PFKP: variants seen among roughly 807,000 people sequenced by gnomAD.
The protein encoded by PFKP is ATP-dependent 6-phosphofructokinase, platelet type.
A neutral mutation model predicts 94.3 loss-of-function variants in PFKP; 101 were observed. The observed-to-expected ratio is 1.07, with a 90% CI of 0.91 to 1.26. PFKP has a LOEUF of 1.26. Among genes scored for constraint, PFKP ranks in the 50% most tolerant of loss-of-function variants. The pLI, the probability that PFKP is intolerant of heterozygous loss-of-function variation, is 0.00. For synonymous variants in PFKP, 573 were observed against 432.6 expected, an observed-to-expected ratio of 1.32 and a Z score of -4.03; for missense variants, 1,145 against 1,103.3, an observed-to-expected ratio of 1.04 and a Z score of -0.53.
chr10:3,079,657 C>CGGGGGG (rs1456588977), intron 1 of PFKP, among the ~76,000 whole-genome samples: 3 of 7,796 alleles, frequency 3.8e-4, no homozygotes, highest in Non-Finnish European at 9.3e-4. Context: ...CTTCAGAGAG[C>CGGGGGG]GGGGTGGGGG....
rs1836300614 is a variant in PFKP, at chr10:3,112,160, C to T, written c.1090-62C>T. 1.7e-5 allele frequency: 23 copies of T among 1,338,516 alleles called. No individual in the cohort carries two copies. The South Asian group carries it at 2.6e-4, about 15-fold the overall frequency. The allele number at this position is 1,338,516 out of a possible 1,614,324, so 82.9% of individuals were successfully genotyped here. On this transcript the variant is annotated intron_variant, in intron 10 of 21. Transcript: ENST00000381125. Reference sequence around the variant, plus strand: ...GAAGGACCGAGCCAGTCTCTACCTACCCCATCCATGATGCACCAGGTCCTG... The same window carrying T: ...GAAGGACCGAGCCAGTCTCTACCTATCCCATCCATGATGCACCAGGTCCTG...
chr10:3,077,272 T>C (rs1347422546), intron 1 of PFKP, among the ~76,000 whole-genome samples: 1 of 134,168 alleles, frequency 7.5e-6, no homozygotes, highest in African/African-American at 2.8e-5. Context: ...TTTTTTTTTT[T>C]TTTTTTTTGA....
chr10:3,116,825 G>T lies in PFKP; in HGVS notation c.1421G>T (p.Gly474Val). Residue 474 changes from glycine to valine, a missense_variant, in exon 14 of 22, where the codon GGC becomes GTC. By Grantham distance (109) the Gly-to-Val change is moderately radical (BLOSUM62 -3). Transcript: ENST00000381125. Reference sequence around the variant, plus strand: ...GTCGGGGGCTGGACCGGCCAAGGAGGCTCCATTCTTGGGACAAAACGGTAA... The same window carrying T: ...GTCGGGGGCTGGACCGGCCAAGGAGTCTCCATTCTTGGGACAAAACGGTAA... ...TDVGGWTGQGGSILGTKRVLP... is the reference protein window; with the variant it reads ...TDVGGWTGQGVSILGTKRVLP... 3 of 1,613,130 alleles carry T rather than the reference G, an allele frequency of 1.9e-6. No homozygotes were observed. Among genetic ancestry groups the T allele is most frequent in the Non-Finnish European group, 2.5e-6 (3 of 1,179,038 alleles).
At chr10:3,126,822 G>C (rs568165484) in intron 16 of PFKP, among the ~76,000 whole-genome samples, 1 of 152,246 alleles carries the variant, frequency 6.6e-6, no homozygotes, top group South Asian at 2.1e-4. Flanking sequence ...GGGACTCCTC[G>C]GGGAATTTCT....
intron 17 of PFKP, among the ~76,000 whole-genome samples, chr10:3,130,663 G>A (rs1015204225): frequency 1.3e-5 from 2 of 152,096 alleles, no homozygotes; most frequent in East Asian, 1.9e-4. Context: ...AGGTTCAAGC[G>A]ATTCACCTGC....
At chr10:3,093,997 T>TTCA (rs1219452771) in intron 2 of PFKP, among the ~76,000 whole-genome samples, 3 of 152,262 alleles carry the variant, frequency 2.0e-5, no homozygotes, top group African/African-American at 7.2e-5. Context: ...TGCTGAATTC[T>TTCA]TCATGTATGA....
chr10:3,096,152 T>G (rs1460137718), intron 2 of PFKP, among the ~76,000 whole-genome samples: 1 of 152,194 alleles, frequency 6.6e-6, no homozygotes, highest in East Asian at 1.9e-4. Context: ...AAGGAAATTG[T>G]ATGGTTCCCA....
rs190816481 is a variant in PFKP at position 3,105,937 on chromosome 10, C to T, written c.774+436C>T. On this transcript the variant is annotated intron_variant, in intron 7 of 21. Coordinates refer to ENST00000381125, the MANE Select transcript of PFKP (RefSeq NM_002627.5). ...TCCTTTCATGACCTCTTTAGGCTCA[C>T]GTGACTGCCGTGAGCATAGGAAGGA... Among the ~76,000 whole-genome samples the T allele has an allele frequency of 4.3e-3, 656 of 152,324 alleles. 2 individuals carry two copies. Among genetic ancestry groups the T allele is most frequent in the Admixed American group, 9.9e-3 (152 of 15,308 alleles).
chr10:3,074,386 G>A (rs1456984501), intron 1 of PFKP, among the ~76,000 whole-genome samples: 1 of 152,180 alleles, frequency 6.6e-6, no homozygotes, highest in Non-Finnish European at 1.5e-5. Flanking sequence ...CCGTAGAGGA[G>A]AGTGGCCCAG....
At chr10:3,096,089 C>T (rs1038593094) in intron 2 of PFKP, among the ~76,000 whole-genome samples, 10 of 152,158 alleles carry the variant, frequency 6.6e-5, no homozygotes, top group Non-Finnish European at 1.3e-4. Flanking sequence ...CAAGAGGATT[C>T]GTTAACATGT....
rs1564274673 is a variant in PFKP, at chr10:3,084,751, GCCCCTCCCCAGGAGAGTCCTCCAC to G, written c.186+2314_186+2337del. On this transcript the variant is annotated intron_variant, in intron 2 of 21. Coordinates refer to ENST00000381125, the MANE Select transcript of PFKP (RefSeq NM_002627.5). ...AGCCCCTCCCCAGGAGAGTCCTCCA[GCCCCTCCCCAGGAGAGTCCTCCAC>G]CCCCTCCCCAGGAGAGTCCTCCATC... Among the ~76,000 whole-genome samples, 124 of 34,422 alleles carry G rather than the reference GCCCCTCCCCAGGAGAGTCCTCCAC, an allele frequency of 3.6e-3. 1 individual carries two copies. The highest frequency in any genetic ancestry group is 8.9e-3 in the African/African-American group (79 of 8,884). The allele number at this position is 34,422 out of a possible 152,430, so 22.6% of individuals were successfully genotyped here.
At chr10:3,067,991 T>G (rs1048092247) in intron 1 of PFKP, among the ~76,000 whole-genome samples, 1 of 152,078 alleles carries the variant, frequency 6.6e-6, no homozygotes, top group Non-Finnish European at 1.5e-5. Context: ...GGAAGGGACA[T>G]GGCGGTAGGA....
In PFKP at chr10:3,109,362, G is replaced by A. The variant is rs1314359394; in HGVS notation, c.971G>A (p.Arg324His). 6.2e-7 allele frequency: 1 copy of A among 1,609,882 alleles called. No individual in the cohort carries two copies. The highest frequency in any genetic ancestry group is 8.5e-7 in the Non-Finnish European group (1 of 1,179,992). The change falls in exon 10 of 22, where the codon CGC becomes CAC. Residue 324 changes from arginine to histidine, a missense_variant. Arg to His is a conservative substitution (Grantham distance 29). This residue lies in a region of PFKP where 1,119 missense variants were observed against 1,062.8 expected (regional missense o/e 1.05). Coordinates refer to ENST00000381125, the MANE Select transcript of PFKP (RefSeq NM_002627.5). ...PSAFDRILAS[R>H]MGVEAVIALL... Reference sequence around the variant, plus strand: ...CATGGACCTGGTTTCCAGGCCAGCCGCATGGGAGTGGAGGCAGTCATCGCC... The same window carrying A: ...CATGGACCTGGTTTCCAGGCCAGCCACATGGGAGTGGAGGCAGTCATCGCC...
At chr10:3,074,030 G>A (rs1832397076) in intron 1 of PFKP, among the ~76,000 whole-genome samples, 1 of 152,100 alleles carries the variant, frequency 6.6e-6, no homozygotes, top group Non-Finnish European at 1.5e-5. Flanking sequence ...TAGTAGAGAT[G>A]GGTTTCACCG....
chr10:3,076,138 C>A (rs914756422), intron 1 of PFKP, among the ~76,000 whole-genome samples: 2 of 151,728 alleles, frequency 1.3e-5, no homozygotes, highest in African/African-American at 4.8e-5. Flanking sequence ...ACACTGTTTT[C>A]CGTAGTAAGT....
chr10:3,081,280 T>A (rs1833053629), intron 1 of PFKP, among the ~76,000 whole-genome samples: 2 of 152,224 alleles, frequency 1.3e-5, no homozygotes, highest in South Asian at 4.1e-4. Context: ...TCTAAGCATC[T>A]TCTGAGCCGG....
chr10:3,077,604 T>G (rs965135095), intron 1 of PFKP, among the ~76,000 whole-genome samples: 1 of 152,064 alleles, frequency 6.6e-6, no homozygotes, highest in Admixed American at 6.6e-5. Context: ...AATTTAGATT[T>G]TATCAGAGCA....
chr10:3,103,993 GC>G, intron 5 of PFKP, 49 bp downstream of exon 5: 1 of 1,565,298 alleles, frequency 6.4e-7, no homozygotes, highest in Non-Finnish European at 8.7e-7. Context: ...CCCGACGTGT[GC>G]CCAGCTCAGA....
At chr10:3,095,011 C>T (rs1834359633) in intron 2 of PFKP, among the ~76,000 whole-genome samples, 1 of 152,140 alleles carries the variant, frequency 6.6e-6, no homozygotes. Flanking sequence ...TCTCTAGGAG[C>T]TTGTTTTATT....
Sources: allele counts gnomAD v4.1 joint callset (sites outside exome capture counted in the v4.1 genomes callset), GRCh38; gene constraint gnomAD v4.1.1; regional missense constraint gnomAD v4.1.1; transcripts MANE v1.5; gene names NCBI Gene and HGNC (gene_info 2026-07-23, HGNC 2026-07-21).